Variants in ADA2 observed in about 807,000 individuals in gnomAD.
ADA2 encodes adenosine deaminase 2, also known as adenosine deaminase CECR1.
Under a neutral mutation model 44.2 loss-of-function variants are expected in ADA2, and 29 were observed. The observed-to-expected ratio is 0.66, with a 90% CI of 0.49 to 0.89. The LOEUF (loss-of-function observed/expected upper bound fraction) is 0.89, where lower values mean the gene tolerates loss of function less well. Ranked by LOEUF, ADA2 falls within the 40% of genes least tolerant of loss-of-function variation. ADA2 has a pLI of 0.00. For synonymous variants in ADA2, 215 were observed against 234.9 expected, an observed-to-expected ratio of 0.92 and a Z score of 0.77; for missense variants, 637 against 644.8, an observed-to-expected ratio of 0.99 and a Z score of 0.13.
Position 17,207,113 on chromosome 22 carries a change from T to C in ADA2, c.500A>G (p.Asp167Gly), listed in dbSNP as rs745559968. ...EKCSKWILLE[D>G]YRKRVQNVTE... ...GACGTTCTGCACCCGCTTCCGATAA[T>C]CCTCCAGCAGAATCCACTTGGAACA... Residue 167 changes from aspartate (D) to glycine (G), a missense_variant, in exon 3 of 10, where the codon GAT becomes GGT. Coordinates refer to ENST00000399837, the MANE Select transcript of ADA2 (RefSeq NM_001282225.2). 15 of 1,614,076 alleles carry C rather than the reference T, an allele frequency of 9.3e-6. No individual in the cohort carries two copies. The highest frequency in any genetic ancestry group is 1.2e-5 in the Non-Finnish European group (14 of 1,180,030).
rs552534514 is a variant in ADA2 at position 17,212,570 on chromosome 22, G to A, written c.-46-2847C>T. Among the ~76,000 whole-genome samples, 4 of 152,026 alleles carry A rather than the reference G, an allele frequency of 2.6e-5. No individual in the cohort carries two copies. The East Asian group carries it at 5.8e-4, about 22-fold the overall frequency. ...ATTACAGGCGTGAGTCACCATGCCC[G>A]GCCAATCTCTTGAATAGGAGAAAAT... On this transcript the variant is annotated intron_variant, in intron 1 of 9. Coordinates refer to ENST00000399837, the MANE Select transcript of ADA2 (RefSeq NM_001282225.2).
rs1391700164 is a variant in ADA2, at chr22:17,181,476, C to T, written c.*7G>A. The T allele has an allele frequency of 6.3e-7, 1 of 1,588,656 alleles. No individual in the cohort carries two copies. The stretch of plus-strand genomic sequence containing the variant: ...AGACAGCTTGTAGAGGGCTGGCTAG[C>T]TTCTCCTCACTTTGTAGCCACATCT... On this transcript the variant is annotated 3_prime_UTR_variant, in exon 10 of 10. Transcript: ENST00000399837.
chr22:17,188,605 C>T (rs1226575199), intron 6 of ADA2, 158 bp from the exon 7 acceptor site: 15 of 543,532 alleles, frequency 2.8e-5, no homozygotes, highest in South Asian at 4.5e-5. Context: ...GCAGGCCAGG[C>T]GTGGTGGCTC....
intron 9 of ADA2, 42 bp from the exon 10 acceptor site, chr22:17,181,618 G>T: frequency 3.5e-6 from 5 of 1,414,374 alleles, no homozygotes; most frequent in Non-Finnish European, 5.0e-6. Context: ...CAGGGCAGGG[G>T]TTGGGGAACG....
At position 17,181,927 on chromosome 22, in the gene ADA2, C is replaced by T. The variant is rs1265300292; in HGVS notation, c.1335G>A (p.Met445Ile). ...CATAGGACAAGCCTTTGGCACCAAA[C>T]ATAGCTGGGTCATCAGAGCTGATCA... ...PMVISSDDPA[M>I]FGAKGLSYDF... Residue 445 changes from methionine to isoleucine, a missense_variant, in exon 9 of 10, where the codon ATG becomes ATA. Transcript: ENST00000399837. 5.6e-6 allele frequency: 9 copies of T among 1,614,100 alleles called. No homozygotes were observed. Among genetic ancestry groups the T allele is most frequent in the Admixed American group, 3.3e-5 (2 of 60,004 alleles).
intron 1 of ADA2, among the ~76,000 whole-genome samples, chr22:17,219,014 G>A (rs1343262541): frequency 6.6e-6 from 1 of 152,104 alleles, no homozygotes; most frequent in Non-Finnish European, 1.5e-5. Context: ...AAAATTAGCC[G>A]GGCGTGGTGG....
chr22:17,188,933 T>C (rs1359344002), intron 6 of ADA2, among the ~76,000 whole-genome samples: 1 of 145,264 alleles, frequency 6.9e-6, no homozygotes, highest in African/African-American at 2.5e-5. Context: ...GGTCTAGAAC[T>C]CCTGGACTCA....
intron 4 of ADA2, among the ~76,000 whole-genome samples, chr22:17,202,367 C>T (rs2062299854): frequency 6.6e-6 from 1 of 151,914 alleles, no homozygotes; most frequent in South Asian, 2.1e-4. Context: ...ACCTCGTGAT[C>T]CGCCTGCCTC....
rs775997344 is a variant in ADA2, at chr22:17,207,108, G to A, written c.505C>T (p.Arg169Trp). The stretch of plus-strand genomic sequence containing the variant: ...TCAGTGACGTTCTGCACCCGCTTCC[G>A]ATAATCCTCCAGCAGAATCCACTTG... ...CSKWILLEDY[R>W]KRVQNVTEFD... is the part of the protein sequence containing the mutation. Residue 169 changes from arginine to tryptophan, a missense_variant, in exon 3 of 10, where the codon CGG (arginine) becomes TGG (tryptophan). Physicochemically the swap from Arg to Trp is moderately radical, Grantham distance 101. Transcript: ENST00000399837. 3.1e-6 allele frequency: 5 copies of A among 1,614,174 alleles called. No homozygotes were observed. Among genetic ancestry groups the A allele is most frequent in the Admixed American group, 1.7e-5 (1 of 60,020 alleles).
At chr22:17,217,707 C>T (rs1262577795) in intron 1 of ADA2, among the ~76,000 whole-genome samples, 1 of 152,108 alleles carries the variant, frequency 6.6e-6, no homozygotes, top group Non-Finnish European at 1.5e-5. Context: ...ATTCATGAGG[C>T]TGAGGCATGA....
In ADA2 at chr22:17,203,629, G is replaced by A. The variant is rs2231488; in HGVS notation, c.687C>T (p.Phe229=). The change falls in exon 4 of 10, where the codon TTC becomes TTT. Residue 229 remains phenylalanine (F), a synonymous_variant. Transcript: ENST00000399837. The part of the protein sequence containing the change: ...HYAPVFRDYV[F]RSMQEFYEDN... ...CCTCGTAGAACTCCTGCATGCTCCG[G>A]AAGACATAGTCTCTGAACACTGGTG... 36 of 1,613,900 alleles carry A rather than the reference G, an allele frequency of 2.2e-5. No homozygotes were observed. The highest frequency in any genetic ancestry group is 2.0e-4 in the East Asian group (9 of 44,894).
chr22:17,198,286 G>T (rs1247207677), intron 4 of ADA2, among the ~76,000 whole-genome samples: 1 of 152,152 alleles, frequency 6.6e-6, no homozygotes, highest in Non-Finnish European at 1.5e-5. Context: ...CAGAATCTGT[G>T]GGGTAGAAGC....
rs376482971 is a variant in ADA2, at chr22:17,203,687, A to G, written c.629T>C (p.Ile210Thr). 8 of 1,613,976 alleles carry G rather than the reference A, an allele frequency of 5.0e-6. No individual in the cohort carries two copies. The highest frequency in any genetic ancestry group is 5.9e-6 in the Non-Finnish European group (7 of 1,179,954). ...GATGAGACCAGAGATGGTGAAGAAG[A>G]TGGTTTCAAATTTCGACCAGACAAC... ...QNVVWSKFET[I>T]FFTISGLIHY... The change falls in exon 4 of 10, where the codon ATC becomes ACC. Residue 210 changes from isoleucine to threonine, a missense_variant. By Grantham distance (89) the Ile-to-Thr change is moderately conservative. Transcript: ENST00000399837.
intron 6 of ADA2, chr22:17,188,868 A>AAAAAAAAAAAAAAAAAAAAAAAAAAAT: frequency 2.5e-5 from 2 of 81,120 alleles, no homozygotes; most frequent in Non-Finnish European, 5.4e-5. Flanking sequence ...AAGAGCAAAA[A>AAAAAAAAAAAAAAAAAAAAAAAAAAAT]ATATATATAT....
At chr22:17,220,127 C>G (rs2062512467), upstream of ADA2, among the ~76,000 whole-genome samples, 1 of 151,934 alleles carries the variant, frequency 6.6e-6, no homozygotes, top group Admixed American at 6.6e-5. Context: ...TCTCCTTCCT[C>G]AAAATGTGAT....
At chr22:17,210,923 G>A (rs1162741821) in intron 1 of ADA2, among the ~76,000 whole-genome samples, 1 of 152,034 alleles carries the variant, frequency 6.6e-6, no homozygotes, top group Non-Finnish European at 1.5e-5. Context: ...GCATGCCTGT[G>A]GTCCCAGCTA....
rs1303394810 is a variant in ADA2, at chr22:17,191,679, T to C, written c.881+4A>G. 1 of 1,611,980 alleles carries C rather than the reference T, an allele frequency of 6.2e-7. No individual in the cohort carries two copies. The highest frequency in any genetic ancestry group is 1.3e-5 in the African/African-American group (1 of 74,788). ...CCGAGCTTTTCAGCAATATTCTCTC[T>C]CACCTGTGATCCGAATAAATGATTT... On this transcript the variant is annotated splice_donor_region_variant and intron_variant, in intron 5 of 9. Coordinates refer to ENST00000399837, the MANE Select transcript of ADA2 (RefSeq NM_001282225.2).
At position 17,203,738 on chromosome 22, in the gene ADA2, G is replaced by A. The variant is rs199567025; in HGVS notation, c.578C>T (p.Pro193Leu). The change falls in exon 4 of 10, where the codon CCG (proline) becomes CTG (leucine). Residue 193 changes from proline (P) to leucine (L), a missense_variant. Transcript: ENST00000399837. Reference sequence around the variant, plus strand: ...ATTTTGGTTTGTGTAAATCACCTCCGGGTGCTGGGTCACCAGAGTGAAATT... The same window carrying A: ...ATTTTGGTTTGTGTAAATCACCTCCAGGTGCTGGGTCACCAGAGTGAAATT... ...LRNFTLVTQH[P>L]EVIYTNQNVV... 8.1e-6 allele frequency: 13 copies of A among 1,613,852 alleles called. No individual in the cohort carries two copies. The highest frequency in any genetic ancestry group is 6.7e-5 in the Admixed American group (4 of 59,978).
chr22:17,213,094 T>G (rs1473759907), intron 1 of ADA2, among the ~76,000 whole-genome samples: 1 of 152,046 alleles, frequency 6.6e-6, no homozygotes, highest in Non-Finnish European at 1.5e-5. Flanking sequence ...CCAGCCAACA[T>G]TTTTTCTAAT....
Sources: allele counts gnomAD v4.1 joint callset (sites outside exome capture counted in the v4.1 genomes callset), GRCh38; gene constraint gnomAD v4.1.1; transcripts MANE v1.5; gene names NCBI Gene and HGNC (gene_info 2026-07-23, HGNC 2026-07-21).